The following VAV3 variants were observed in gnomAD, a reference collection of about 807,000 sequenced individuals.
The protein encoded by VAV3 is vav guanine nucleotide exchange factor 3.
In VAV3, 94 loss-of-function variants were observed where a neutral mutation model predicts 131.2. That is an observed-to-expected ratio of 0.72 (90% CI 0.61 to 0.85). VAV3 has a LOEUF of 0.85. Among genes scored for constraint, VAV3 ranks in the 40% least tolerant of loss-of-function variants. VAV3 has a pLI of 0.00. For missense variants in VAV3, 939 were observed against 1,002.7 expected (o/e 0.94, Z 0.86); for synonymous variants, 349 against 342.0 (o/e 1.02, Z -0.22).
chr1:107,606,021 G>A (rs1367378731), intron 22 of VAV3, among the ~76,000 whole-genome samples: 3 of 152,122 alleles, frequency 2.0e-5, no homozygotes, highest in Admixed American at 2.0e-4. Flanking sequence ...TAAGCCTGTT[G>A]AATTACTGTA....
intron 15 of VAV3, among the ~76,000 whole-genome samples, chr1:107,712,012 T>G (rs1660817751): frequency 6.6e-6 from 1 of 152,182 alleles, no homozygotes; most frequent in African/African-American, 2.4e-5. Context: ...AAAAGCCGCA[T>G]AGCAAGCTCC....
intron 2 of VAV3, among the ~76,000 whole-genome samples, chr1:107,815,755 C>T (rs1410603282): frequency 5.3e-5 from 8 of 152,108 alleles, no homozygotes; most frequent in Non-Finnish European, 1.0e-4. Context: ...GCAATATCTC[C>T]CAACTCCCAT....
intron 2 of VAV3, among the ~76,000 whole-genome samples, chr1:107,817,394 C>T (rs1212807543): frequency 6.6e-6 from 1 of 152,012 alleles, no homozygotes; most frequent in African/African-American, 2.4e-5. Flanking sequence ...TCATCAACCA[C>T]AGCAAGGCTG....
intron 2 of VAV3, among the ~76,000 whole-genome samples, chr1:107,870,415 G>T (rs750346260): frequency 2.0e-5 from 3 of 152,176 alleles, no homozygotes; most frequent in East Asian, 3.9e-4. Flanking sequence ...TCATATGTTT[G>T]TTGGCCATTT....
chr1:107,878,206 A>T (rs1323563694), intron 1 of VAV3, among the ~76,000 whole-genome samples: 1 of 152,026 alleles, frequency 6.6e-6, no homozygotes, highest in Non-Finnish European at 1.5e-5. Context: ...ATAACACTTG[A>T]CTCCTAAATA....
intron 1 of VAV3, among the ~76,000 whole-genome samples, chr1:107,954,942 A>T (rs1400245760): frequency 6.6e-6 from 1 of 152,176 alleles, no homozygotes; most frequent in Non-Finnish European, 1.5e-5. Context: ...TATCCACCAC[A>T]TGGGGATAAA....
intron 2 of VAV3, among the ~76,000 whole-genome samples, chr1:107,802,621 T>G (rs1393625752): frequency 1.3e-5 from 2 of 152,170 alleles, no homozygotes; most frequent in Admixed American, 1.3e-4. Context: ...TGTTCTTGGT[T>G]AGGTAAAGAG....
At chr1:107,796,529 T>C (rs1666554180) in intron 2 of VAV3, among the ~76,000 whole-genome samples, 1 of 152,170 alleles carries the variant, frequency 6.6e-6, no homozygotes, top group African/African-American at 2.4e-5. Context: ...ACAGGCACTA[T>C]ATTTTTTCCT....
intron 19 of VAV3, chr1:107,668,864 G>A: frequency 2.0e-6 from 2 of 985,414 alleles, no homozygotes; most frequent in Non-Finnish European, 1.2e-6. Flanking sequence ...CTTTATTTTA[G>A]CTTCTAGCTG....
At chr1:107,730,042 G>T (rs1662123356) in intron 15 of VAV3, among the ~76,000 whole-genome samples, 1 of 151,988 alleles carries the variant, frequency 6.6e-6, no homozygotes. Flanking sequence ...CTACTTTGAG[G>T]GCAAAAATTT....
chr1:107,845,312 CA>C (rs1413726697), intron 2 of VAV3, among the ~76,000 whole-genome samples: 3 of 152,146 alleles, frequency 2.0e-5, no homozygotes, highest in African/African-American at 7.2e-5. Context: ...CATCAAAGAT[CA>C]AAGGTAGATA....
At chr1:107,835,731 C>T (rs1668448621) in intron 2 of VAV3, among the ~76,000 whole-genome samples, 1 of 152,204 alleles carries the variant, frequency 6.6e-6, no homozygotes, top group South Asian at 2.1e-4. Flanking sequence ...AACCCCGGCC[C>T]ATAGGCACCA....
intron 2 of VAV3, among the ~76,000 whole-genome samples, chr1:107,864,365 T>C (rs528681213): frequency 6.6e-6 from 1 of 152,324 alleles, no homozygotes; most frequent in Non-Finnish European, 1.5e-5. Flanking sequence ...CTCATGCCTA[T>C]AATCCAAGCA....
At chr1:107,829,036 C>T (rs990378793) in intron 2 of VAV3, among the ~76,000 whole-genome samples, 41 of 152,148 alleles carry the variant, frequency 2.7e-4, no homozygotes, top group African/African-American at 1.2e-4. Flanking sequence ...TAACAAATTA[C>T]GGATGCTGGA....
At chr1:107,671,879 C>G (rs1379544045) in intron 19 of VAV3, among the ~76,000 whole-genome samples, 1 of 152,046 alleles carries the variant, frequency 6.6e-6, no homozygotes, top group Non-Finnish European at 1.5e-5. Context: ...ACATGCTTTG[C>G]ACAAGATAAC....
At chr1:107,647,444 G>A (rs1655816916) in intron 19 of VAV3, among the ~76,000 whole-genome samples, 1 of 151,836 alleles carries the variant, frequency 6.6e-6, no homozygotes, top group South Asian at 2.1e-4. Context: ...AGTTTCAGAA[G>A]AAAGCAAGGG....
At chr1:107,778,196 GATTA>G (rs1665475047) in intron 3 of VAV3, among the ~76,000 whole-genome samples, 2 of 152,122 alleles carry the variant, frequency 1.3e-5, no homozygotes, top group African/African-American at 2.4e-5. Context: ...TTGACTTATG[GATTA>G]ATTTAATACT....
intron 1 of VAV3, among the ~76,000 whole-genome samples, chr1:107,951,811 C>CA (rs57472214): frequency 0.061 from 8,709 of 143,392 alleles, 355 homozygotes; most frequent in African/African-American, 0.12. Flanking sequence ...ATCAAAAAGT[C>CA]AAAAAAAAAA....
chr1:107,790,811 CTGAG>C (rs1450540202), intron 2 of VAV3, among the ~76,000 whole-genome samples: 2 of 150,322 alleles, frequency 1.3e-5, no homozygotes, highest in African/African-American at 4.9e-5. Flanking sequence ...CCTCAGCCTC[CTGAG>C]TAACTTGGAT....
Sources: gnomAD v4.1 joint callset for allele counts (sites outside exome capture counted in the v4.1 genomes callset) on GRCh38, gnomAD v4.1.1 for gene constraint, MANE v1.5 for transcripts, NCBI Gene and HGNC (gene_info 2026-07-23, HGNC 2026-07-21) for gene names.